Variants in RASEF observed in about 807,000 individuals in gnomAD.
RASEF encodes RAS and EF-hand domain containing.
A neutral mutation model predicts 90.1 loss-of-function variants in RASEF; 68 were observed. The observed-to-expected ratio is 0.75, with a 90% CI of 0.62 to 0.92. The LOEUF (loss-of-function observed/expected upper bound fraction) is 0.92, where lower values mean the gene tolerates loss of function less well. RASEF is among the 40% of genes least tolerant of loss of function. The pLI, the probability that RASEF is intolerant of heterozygous loss-of-function variation, is 0.00. For missense variants in RASEF, 949 were observed against 937.2 expected (o/e 1.01, Z -0.16); for synonymous variants, 331 against 345.2 (o/e 0.96, Z 0.46).
chr9:83,088,363 T>C, the RASEF span, among the ~76,000 whole-genome samples: 1 of 132,296 alleles, frequency 7.6e-6, no homozygotes, highest in Non-Finnish European at 1.6e-5. Context: ...CACAGAGATA[T>C]AGATAGATGG....
the RASEF span, among the ~76,000 whole-genome samples, chr9:83,139,978 T>A: frequency 6.6e-6 from 1 of 152,242 alleles, no homozygotes; most frequent in African/African-American, 2.4e-5. Context: ...TATAAATCAA[T>A]GATGTTCTTA....
At chr9:83,032,376 C>T (rs934107547) in intron 1 of RASEF, among the ~76,000 whole-genome samples, 2 of 152,196 alleles carry the variant, frequency 1.3e-5, no homozygotes, top group African/African-American at 4.8e-5. Flanking sequence ...AGCAATTACA[C>T]TTGCACTCTC....
At chr9:83,143,952 C>A in the RASEF span, among the ~76,000 whole-genome samples, 1 of 152,112 alleles carries the variant, frequency 6.6e-6, no homozygotes, top group Non-Finnish European at 1.5e-5. Flanking sequence ...ACATACACAC[C>A]ATGGAATAGT....
chr9:83,135,502 T>A, the RASEF span, among the ~76,000 whole-genome samples: 5 of 151,966 alleles, frequency 3.3e-5, no homozygotes, highest in Admixed American at 6.6e-5. Context: ...ATTTAAAAAA[T>A]AAATAAATAA....
At chr9:83,074,575 C>T in the RASEF span, among the ~76,000 whole-genome samples, 2 of 152,182 alleles carry the variant, frequency 1.3e-5, no homozygotes, top group South Asian at 4.1e-4. Context: ...TCAAAAGAAA[C>T]ATATTTTAGG....
chr9:83,137,272 ACT>A, the RASEF span, among the ~76,000 whole-genome samples: 1 of 152,078 alleles, frequency 6.6e-6, no homozygotes, highest in South Asian at 2.1e-4. Context: ...GTAGCAAAAT[ACT>A]CTTTGGGGAT....
intron 1 of RASEF, among the ~76,000 whole-genome samples, chr9:83,045,972 CACTA>C (rs1175974587): frequency 2.6e-5 from 4 of 151,656 alleles, no homozygotes; most frequent in African/African-American, 4.9e-5. Flanking sequence ...GTCCTTGCTC[CACTA>C]ACTAAGCAGC....
At chr9:83,116,347 G>A in the RASEF span, among the ~76,000 whole-genome samples, 2 of 152,174 alleles carry the variant, frequency 1.3e-5, 1 homozygote, top group South Asian at 4.1e-4. Flanking sequence ...TACCAAATAA[G>A]CTATTATGCA....
intron 1 of RASEF, among the ~76,000 whole-genome samples, chr9:83,057,947 CAAAGAGA>C (rs1830130782): frequency 6.7e-6 from 1 of 149,774 alleles, no homozygotes; most frequent in African/African-American, 2.4e-5. Flanking sequence ...GAGCTGAGAT[CAAAGAGA>C]AAAGAGCTGA....
chr9:83,114,007 A>T, the RASEF span, among the ~76,000 whole-genome samples: 1 of 152,200 alleles, frequency 6.6e-6, no homozygotes, highest in Admixed American at 6.5e-5. Flanking sequence ...CCAATACATG[A>T]CATCACCCCT....
At chr9:83,180,278 G>A in the RASEF span, among the ~76,000 whole-genome samples, 1 of 151,924 alleles carries the variant, frequency 6.6e-6, no homozygotes, top group Non-Finnish European at 1.5e-5. Context: ...CCTGCATCTT[G>A]GAATCAAACA....
intron 14 of RASEF, among the ~76,000 whole-genome samples, chr9:82,996,779 G>A (rs1346424887): frequency 6.6e-6 from 1 of 152,154 alleles, no homozygotes; most frequent in Non-Finnish European, 1.5e-5. Context: ...AAACCTAGAA[G>A]TTTTATTCCC....
chr9:83,216,576 C>T, the RASEF span, among the ~76,000 whole-genome samples: 4 of 152,262 alleles, frequency 2.6e-5, no homozygotes, highest in African/African-American at 2.4e-5. Flanking sequence ...AACACCTGAA[C>T]GTCCACGCAG....
At chr9:83,132,647 G>C in the RASEF span, among the ~76,000 whole-genome samples, 82,012 of 151,938 alleles carry the variant, frequency 0.54, 22,598 homozygotes, top group East Asian at 0.76. Flanking sequence ...TTTTTCAGAG[G>C]CTTTCATATG....
At chr9:83,143,469 A>T in the RASEF span, among the ~76,000 whole-genome samples, 1 of 152,204 alleles carries the variant, frequency 6.6e-6, no homozygotes, top group Non-Finnish European at 1.5e-5. Flanking sequence ...AAACACATGA[A>T]AAAATGCTCG....
chr9:83,212,957 A>G, the RASEF span, among the ~76,000 whole-genome samples: 11 of 152,330 alleles, frequency 7.2e-5, no homozygotes, highest in African/African-American at 2.6e-4. Context: ...AGAATGATAC[A>G]TCAGTTACAA....
chr9:83,170,373 GT>G, the RASEF span, among the ~76,000 whole-genome samples: 1 of 151,748 alleles, frequency 6.6e-6, no homozygotes, highest in South Asian at 2.1e-4. Flanking sequence ...CTCCAGCTTT[GT>G]TTTTATATTC....
At chr9:83,093,478 G>A in the RASEF span, among the ~76,000 whole-genome samples, 64,266 of 152,130 alleles carry the variant, frequency 0.42, 13,939 homozygotes, top group East Asian at 0.7. Context: ...GAAATCAAGC[G>A]CAGCCCCGGT....
the RASEF span, among the ~76,000 whole-genome samples, chr9:83,083,342 C>A: frequency 1.3e-5 from 2 of 152,132 alleles, no homozygotes; most frequent in Non-Finnish European, 2.9e-5. Flanking sequence ...GTATGTATCA[C>A]TATAACACAT....
Sources: allele counts gnomAD v4.1 joint callset (sites outside exome capture counted in the v4.1 genomes callset), GRCh38; gene constraint gnomAD v4.1.1; transcripts MANE v1.5; gene names NCBI Gene and HGNC (gene_info 2026-07-23, HGNC 2026-07-21).